LTBP1: variants seen among roughly 807,000 people sequenced by gnomAD.
LTBP1 encodes latent-transforming growth factor beta-binding protein 1.
A neutral mutation model predicts 207.6 loss-of-function variants in LTBP1; 129 were observed. The observed-to-expected ratio is 0.62, with a 90% CI of 0.54 to 0.72. LTBP1 has a LOEUF of 0.72. LTBP1 is among the 30% of genes least tolerant of loss of function. The pLI, the probability that LTBP1 is intolerant of heterozygous loss-of-function variation, is 0.00. For missense variants in LTBP1, 2,281 were observed against 2,217.2 expected, an observed-to-expected ratio of 1.03 and a Z score of -0.58; for synonymous variants, 963 against 833.7, an observed-to-expected ratio of 1.16 and a Z score of -2.67.
In LTBP1 at chr2:33,263,359, G is replaced by C. The variant is rs2093074994; in HGVS notation, c.2584G>C (p.Ala862Pro). Reference sequence around the variant, plus strand: ...AGCTCCTGAAGCTTCTACGTCTAGTGCCAGCCAAGTGATTGCTCCTACTCA... The same window carrying C: ...AGCTCCTGAAGCTTCTACGTCTAGTCCCAGCCAAGTGATTGCTCCTACTCA... ...EVAPEASTSS[A>P]SQVIAPTQVT... Residue 862 changes from alanine (A) to proline (P), a missense_variant, in exon 15 of 34, where the codon GCC becomes CCC. By Grantham distance (27) the Ala-to-Pro change is conservative. Around this residue, in one of 3 missense-constraint regions of LTBP1, gnomAD observed 1,671 missense variants for 1,634.8 expected, o/e 1.02. Transcript: ENST00000404816. The C allele has an allele frequency of 6.2e-7, 1 of 1,613,750 alleles. No homozygotes were observed. The highest frequency in any genetic ancestry group is 1.7e-5 in the Admixed American group (1 of 59,988).
chr2:33,269,339 G>C (rs541432173), intron 15 of LTBP1, among the ~76,000 whole-genome samples: 5 of 152,156 alleles, frequency 3.3e-5, no homozygotes, highest in Admixed American at 2.6e-4. Context: ...CCATATTCTA[G>C]ATGGACTCCA....
At chr2:33,334,909 A>G (rs2094537444) in intron 24 of LTBP1, among the ~76,000 whole-genome samples, 1 of 143,294 alleles carries the variant, frequency 7.0e-6, no homozygotes, top group South Asian at 2.1e-4. Flanking sequence ...TCTCTACTAA[A>G]AATTAAAAAA....
rs867522100 is a variant in LTBP1, at chr2:33,115,074, G to A, written c.1033+4323G>A. 1.0e-3 allele frequency among the ~76,000 whole-genome samples: 117 copies of A among 112,112 alleles called. 1 individual carries two copies. The highest frequency in any genetic ancestry group is 3.3e-3 in the African/African-American group (93 of 27,872). 73.5% of individuals were successfully genotyped at this position (112,112 alleles called of 152,430 possible). On this transcript the variant is annotated intron_variant, in intron 4 of 33. Coordinates refer to ENST00000404816, the MANE Select transcript of LTBP1 (RefSeq NM_206943.4). ...CACACACACACACACACACACACAC[G>A]TATACACAAATATATATACACACAT... is the stretch of plus-strand genomic sequence containing the variant.
intron 24 of LTBP1, among the ~76,000 whole-genome samples, chr2:33,327,465 A>G (rs1484403284): frequency 6.6e-6 from 1 of 152,232 alleles, no homozygotes; most frequent in Admixed American, 6.5e-5. Context: ...GAGGATTCAA[A>G]TAACTCCCAT....
chr2:33,178,756 G>T (rs1419133637), intron 5 of LTBP1, among the ~76,000 whole-genome samples: 4 of 152,150 alleles, frequency 2.6e-5, no homozygotes, highest in Non-Finnish European at 5.9e-5. Flanking sequence ...ATGCTTGAAT[G>T]GTATCTCACC....
At chr2:33,171,588 A>G (rs1282838331) in intron 5 of LTBP1, among the ~76,000 whole-genome samples, 1 of 151,314 alleles carries the variant, frequency 6.6e-6, no homozygotes, top group African/African-American at 2.4e-5. Flanking sequence ...ACTCTGCAGG[A>G]TATTATCCAG....
At chr2:33,088,322 C>T (rs924621623) in intron 3 of LTBP1, among the ~76,000 whole-genome samples, 19 of 152,200 alleles carry the variant, frequency 1.2e-4, no homozygotes, top group Middle Eastern at 3.4e-3. Context: ...CATGGTGGCG[C>T]GTGCCTGTAA....
intron 4 of LTBP1, among the ~76,000 whole-genome samples, chr2:33,111,539 A>G (rs993707232): frequency 3.9e-5 from 6 of 152,190 alleles, no homozygotes; most frequent in African/African-American, 1.4e-4. Context: ...ATCTTTCACC[A>G]CTGGGAATAG....
At chr2:33,295,056 GA>G (rs1216912965) in intron 20 of LTBP1, among the ~76,000 whole-genome samples, 5 of 151,628 alleles carry the variant, frequency 3.3e-5, no homozygotes, top group African/African-American at 7.3e-5. Flanking sequence ...TTTTAATTCT[GA>G]AAAGGCTTAA....
chr2:33,291,553 G>A lies in LTBP1; in HGVS notation c.3113-1607G>A, dbSNP rs528963560. 2.0e-5 allele frequency: 3 copies of A among 152,326 alleles called. No homozygotes were observed. In the South Asian group the frequency reaches 6.2e-4, roughly 32 times the overall value. The allele number at this position is 152,326 out of a possible 1,614,324, so 9.4% of individuals were successfully genotyped here. A position where few individuals can be genotyped will look rare whatever the true frequency, so the allele number is the denominator to read the frequency against. On this transcript the variant is annotated intron_variant, in intron 19 of 33. Transcript: ENST00000404816. ...TTTGCCTTCAGTGTTTACAGAAGTG[G>A]ATTCCCACAACCAAGGAAAGGGTGG...
In LTBP1 at chr2:33,395,022, A is replaced by C. The variant is rs534427121; in HGVS notation, c.4835-2111A>C. ...ATCTCATTCTTTTTTATGGCTGCCT[A>C]GTATTCCATGGTGTATATGTACCAT... On this transcript the variant is annotated intron_variant, in intron 32 of 33. Coordinates refer to ENST00000404816, the MANE Select transcript of LTBP1 (RefSeq NM_206943.4). Among the ~76,000 whole-genome samples, 3 of 152,264 alleles carry C rather than the reference A, an allele frequency of 2.0e-5. No homozygotes were observed. The South Asian group carries it at 6.2e-4, about 32-fold the overall frequency.
At chr2:32,999,982 A>G (rs1301553385) in intron 2 of LTBP1, among the ~76,000 whole-genome samples, 1 of 134,282 alleles carries the variant, frequency 7.4e-6, no homozygotes, top group Non-Finnish European at 1.6e-5. Context: ...AGAGTCAGTC[A>G]CCTTCACAAT....
rs1676407376 is a variant in LTBP1 at position 32,947,693 on chromosome 2, C to T, written c.369C>T (p.Gly123=). 6.6e-7 allele frequency: 1 copy of T among 1,510,190 alleles called. No homozygotes were observed. The highest frequency in any genetic ancestry group is 8.9e-7 in the Non-Finnish European group (1 of 1,129,122). The allele number at this position is 1,510,190 out of a possible 1,614,324, so 93.5% of individuals were successfully genotyped here. The change falls in exon 1 of 34, where the codon GGC becomes GGT. Residue 123 remains glycine, a synonymous_variant. Coordinates refer to ENST00000404816, the MANE Select transcript of LTBP1 (RefSeq NM_206943.4). ...VPGGQLHPNP[G]GHPAAAPFTK... is the part of the protein sequence containing the mutation. ...GCGGGCAGCTCCACCCCAATCCCGG[C>T]GGCCACCCGGCAGCCGCCCCGTTCA...
intron 4 of LTBP1, among the ~76,000 whole-genome samples, chr2:33,129,737 A>G (rs928708664): frequency 6.6e-6 from 1 of 152,184 alleles, no homozygotes; most frequent in African/African-American, 2.4e-5. Flanking sequence ...CCAACCCGTA[A>G]TGACTTATGC....
Position 33,020,931 on chromosome 2 carries a change from G to C in LTBP1, c.588G>C (p.Gln196His). The C allele has an allele frequency of 1.3e-6, 2 of 1,592,432 alleles. No homozygotes were observed. Among genetic ancestry groups the C allele is most frequent in the Non-Finnish European group, 1.7e-6 (2 of 1,164,024 alleles). Residue 196 changes from glutamine (Q) to histidine (H), a missense_variant, in exon 3 of 34, where the codon CAG (glutamine) becomes CAC (histidine). Coordinates refer to ENST00000404816, the MANE Select transcript of LTBP1 (RefSeq NM_206943.4). ...CAGCTAGCTGTGTTCCGCCATGTCA[G>C]AATGGAGGGATGTGTCTCCGGCCAC... is the stretch of plus-strand genomic sequence containing the variant. Reference protein sequence around the residue: ...CTKPSCVPPCQNGGMCLRPQL... With the variant: ...CTKPSCVPPCHNGGMCLRPQL...
intron 3 of LTBP1, among the ~76,000 whole-genome samples, chr2:33,065,894 T>C (rs1185852440): frequency 6.6e-6 from 1 of 152,240 alleles, no homozygotes; most frequent in East Asian, 1.9e-4. Context: ...TATTTATATT[T>C]TCACTTTCAC....
chr2:33,389,075 C>T (rs761577759), intron 31 of LTBP1, 109 bp from the exon 32 acceptor site: 114 of 1,469,372 alleles, frequency 7.8e-5, no homozygotes, highest in Non-Finnish European at 1.0e-4. Context: ...GAGATGGAGA[C>T]ACACGTGGAA....
intron 31 of LTBP1, among the ~76,000 whole-genome samples, chr2:33,384,470 G>T (rs914417732): frequency 3.9e-5 from 6 of 152,202 alleles, no homozygotes; most frequent in Admixed American, 2.0e-4. Flanking sequence ...CTAGATTCCA[G>T]ATGGACACAT....
chr2:33,104,750 C>T (rs2079957041), intron 3 of LTBP1, among the ~76,000 whole-genome samples: 1 of 152,158 alleles, frequency 6.6e-6, no homozygotes, highest in Admixed American at 6.5e-5. Flanking sequence ...TGTCACTATT[C>T]CTAAACTCAG....
Sources: gnomAD v4.1 joint callset for allele counts (sites outside exome capture counted in the v4.1 genomes callset) on GRCh38, gnomAD v4.1.1 for gene constraint, gnomAD v4.1.1 regional missense constraint, MANE v1.5 for transcripts, NCBI Gene and HGNC (gene_info 2026-07-23, HGNC 2026-07-21) for gene names.